The following LRRN2 variants were observed in gnomAD, a reference collection of about 807,000 sequenced individuals.
LRRN2 encodes leucine rich repeat neuronal 2.
LRRN2 carries 10 observed loss-of-function variants against 35.7 expected under a neutral mutation model. That is an observed-to-expected ratio of 0.28 (90% confidence interval 0.17 to 0.47). The LOEUF (loss-of-function observed/expected upper bound fraction) is 0.47. Among genes scored for constraint, LRRN2 ranks in the 20% least tolerant of loss-of-function variants. The pLI is 0.99. For synonymous variants in LRRN2, 391 were observed against 409.6 expected, an observed-to-expected ratio of 0.95 and a Z score of 0.55; for missense variants, 731 against 940.3, an observed-to-expected ratio of 0.78 and a Z score of 2.91.
At chr1:204,664,908 T>C (rs1378577236) in intron 1 of LRRN2, among the ~76,000 whole-genome samples, 5 of 152,288 alleles carry the variant, frequency 3.3e-5, no homozygotes, top group Non-Finnish European at 5.9e-5. Context: ...GGTCTCTCAT[T>C]ACACTCTGCA....
In LRRN2 at chr1:204,670,126, G is replaced by A. The variant is rs1334728776; in HGVS notation, c.-227+15194C>T. ...TGAGAAGGTGATTCCAGCAGCCTGA[G>A]GAAAAGGCAAAGTCAGCCTGAACTA... On this transcript the variant is annotated intron_variant, in intron 1 of 1. Coordinates refer to ENST00000367177, the MANE Select transcript of LRRN2 (RefSeq NM_201630.2). 2.0e-5 allele frequency among the ~76,000 whole-genome samples: 3 copies of A among 152,138 alleles called. No homozygotes were observed. The East Asian group carries it at 5.8e-4, about 29-fold the overall frequency.
intron 1 of LRRN2, among the ~76,000 whole-genome samples, chr1:204,656,334 A>G (rs1668355435): frequency 1.3e-5 from 2 of 152,250 alleles, no homozygotes; most frequent in Admixed American, 6.5e-5. Context: ...ATTAGAAGGT[A>G]TAGAAAAACA....
intron 1 of LRRN2, among the ~76,000 whole-genome samples, chr1:204,665,041 C>T (rs1017784668): frequency 2.6e-5 from 4 of 152,170 alleles, no homozygotes; most frequent in African/African-American, 4.8e-5. Flanking sequence ...CCAATACTGG[C>T]CCCACTTCCT....
intron 1 of LRRN2, among the ~76,000 whole-genome samples, chr1:204,656,150 C>A (rs1668350852): frequency 1.3e-5 from 2 of 152,246 alleles, no homozygotes; most frequent in African/African-American, 4.8e-5. Flanking sequence ...ACCTCATGAT[C>A]TGCCCGCCTC....
rs1393179158 is a variant in LRRN2 at position 204,619,344 on chromosome 1, T to C, written c.649A>G (p.Ser217Gly). Reference sequence around the variant, plus strand: ...AGGTTCATGCCTGCTAGCACCAGGCTACGCAGGTTGGCCAGGGGCCGGAAG... The same window carrying C: ...AGGTTCATGCCTGCTAGCACCAGGCCACGCAGGTTGGCCAGGGGCCGGAAG... ...MNFRPLANLR[S>G]LVLAGMNLRE... Residue 217 changes from serine to glycine, a missense_variant, in exon 2 of 2, where the codon AGC becomes GGC. Physicochemically the swap from Ser to Gly is moderately conservative, Grantham distance 56. This residue lies in a region of LRRN2 where 246 missense variants were observed against 289.5 expected (regional missense o/e 0.85). Coordinates refer to ENST00000367177, the MANE Select transcript of LRRN2 (RefSeq NM_201630.2). 1.2e-6 allele frequency: 2 copies of C among 1,614,092 alleles called. No individual in the cohort carries two copies. The highest frequency in any genetic ancestry group is 1.7e-5 in the Admixed American group (1 of 60,014).
intron 1 of LRRN2, among the ~76,000 whole-genome samples, chr1:204,672,346 C>G (rs116933382): frequency 6.6e-6 from 1 of 152,144 alleles, no homozygotes; most frequent in African/African-American, 2.4e-5. Context: ...AAAAATAGAT[C>G]GGGAGGACCG....
intron 1 of LRRN2, among the ~76,000 whole-genome samples, chr1:204,630,332 C>T (rs1311431177): frequency 6.6e-6 from 1 of 151,304 alleles, no homozygotes; most frequent in Non-Finnish European, 1.5e-5. Context: ...GAGGCCTGGT[C>T]GGAGGGGCTG....
intron 1 of LRRN2, among the ~76,000 whole-genome samples, chr1:204,658,016 C>T (rs1190756297): frequency 5.8e-5 from 7 of 121,370 alleles, no homozygotes; most frequent in African/African-American, 1.3e-4. Flanking sequence ...CTCACTCTGT[C>T]GCCCAGGCTG....
At chr1:204,622,161 T>G (rs1336005589) in intron 1 of LRRN2, 1 of 167,148 alleles carries the variant, frequency 6.0e-6, no homozygotes, top group Non-Finnish European at 1.5e-5. Flanking sequence ...CTCTGGAGGG[T>G]CTGGGATGCA....
chr1:204,620,401 G>C (rs1666801192), intron 1 of LRRN2, 183 bp from the exon 2 acceptor site: 1 of 226,774 alleles, frequency 4.4e-6, no homozygotes, highest in African/African-American at 2.3e-5. Flanking sequence ...AGCCACCTGA[G>C]TAGCTGGGAT....
At chr1:204,642,630 G>A (rs1235411754) in intron 1 of LRRN2, among the ~76,000 whole-genome samples, 1 of 152,174 alleles carries the variant, frequency 6.6e-6, no homozygotes, top group Non-Finnish European at 1.5e-5. Context: ...GAACTGCCCC[G>A]GCCTCTGCAG....
intron 1 of LRRN2, among the ~76,000 whole-genome samples, chr1:204,647,398 C>T (rs559582765): frequency 4.3e-4 from 65 of 152,198 alleles, no homozygotes; most frequent in Non-Finnish European, 7.3e-4. Flanking sequence ...TCTGACATTT[C>T]CAAATGAGAT....
At chr1:204,624,759 C>CAT (rs1667203443) in intron 1 of LRRN2, among the ~76,000 whole-genome samples, 1 of 131,376 alleles carries the variant, frequency 7.6e-6, no homozygotes, top group African/African-American at 2.6e-5. Flanking sequence ...CCCCCCACCC[C>CAT]CCCCCCCGGG....
intron 1 of LRRN2, among the ~76,000 whole-genome samples, chr1:204,654,045 A>G (rs1466480605): frequency 1.3e-5 from 2 of 151,606 alleles, no homozygotes; most frequent in African/African-American, 4.8e-5. Flanking sequence ...AAAAAAAAAA[A>G]AAAAAAAAAG....
chr1:204,626,890 C>T (rs1208035246), intron 1 of LRRN2: 1 of 152,136 alleles, frequency 6.6e-6, no homozygotes, highest in Non-Finnish European at 1.5e-5. Context: ...AGATGCTGCC[C>T]CCTATTTTAT....
chr1:204,638,415 T>A (rs1004701291), intron 1 of LRRN2, among the ~76,000 whole-genome samples: 4 of 130,908 alleles, frequency 3.1e-5, no homozygotes, highest in African/African-American at 1.2e-4. Context: ...TTTTTTTTTT[T>A]TTTTTTTTTT....
chr1:204,624,624 C>T (rs892997795), intron 1 of LRRN2, among the ~76,000 whole-genome samples: 1 of 152,208 alleles, frequency 6.6e-6, no homozygotes, highest in Non-Finnish European at 1.5e-5. Flanking sequence ...GACGCTGTCA[C>T]TACTTTCTCC....
chr1:204,677,170 CTG>C (rs1326916129), intron 1 of LRRN2, among the ~76,000 whole-genome samples: 1 of 152,204 alleles, frequency 6.6e-6, no homozygotes, highest in African/African-American at 2.4e-5. Context: ...TGGCTAGGGA[CTG>C]TGAATTCTGA....
chr1:204,635,308 T>A (rs1022359304), intron 1 of LRRN2, among the ~76,000 whole-genome samples: 1 of 152,050 alleles, frequency 6.6e-6, no homozygotes, highest in African/African-American at 2.4e-5. Flanking sequence ...TATTTACATA[T>A]AAGTAAATAT....
Sources: allele counts gnomAD v4.1 joint callset (sites outside exome capture counted in the v4.1 genomes callset), GRCh38; gene constraint gnomAD v4.1.1; regional missense constraint gnomAD v4.1.1; transcripts MANE v1.5; gene names NCBI Gene and HGNC (gene_info 2026-07-23, HGNC 2026-07-21).